The following GSK3B variants were observed in gnomAD, a reference collection of about 807,000 sequenced individuals.
GSK3B encodes glycogen synthase kinase 3 beta, also known as glycogen synthase kinase-3 beta.
Under a neutral mutation model 56.4 loss-of-function variants are expected in GSK3B, and 15 were observed. The observed-to-expected ratio is 0.27, with a 90% CI of 0.18 to 0.41. GSK3B has a LOEUF of 0.41. GSK3B is among the 10% of genes least tolerant of loss of function. The pLI, the probability that GSK3B is intolerant of heterozygous loss-of-function variation, is 1.00. For missense variants in GSK3B, 300 were observed against 513.4 expected (o/e 0.58, Z 4.02); for synonymous variants, 181 against 188.9 (o/e 0.96, Z 0.34).
intron 1 of GSK3B, chr3:120,028,932 C>T (rs1399832858): frequency 1.8e-6 from 1 of 549,374 alleles, no homozygotes; most frequent in Non-Finnish European, 3.4e-6. Context: ...AAAGATCAGA[C>T]ACAGGCACAA....
In GSK3B at chr3:120,024,545, T is replaced by G. The variant is rs373830096; in HGVS notation, c.89-22306A>C. 5.9e-5 allele frequency among the ~76,000 whole-genome samples: 9 copies of G among 152,332 alleles called. No homozygotes were observed. In the East Asian group the frequency reaches 1.3e-3, roughly 23 times the overall value. ...CACATATCTCTCTTCTCTGAAAACC[T>G]CCTTCCCCTCCCACTGGGTAAAGTG... On this transcript the variant is annotated intron_variant, in intron 1 of 10. Transcript: ENST00000264235.
chr3:119,822,120 G>GAAAA lies in GSK3B; in HGVS notation c.*4664_*4667dup, dbSNP rs59156758. The GAAAA allele has an allele frequency of 1.6e-5, 3 of 189,588 alleles. No homozygotes were observed. Among genetic ancestry groups the GAAAA allele is most frequent in the Admixed American group, 6.2e-5 (1 of 16,104 alleles). The allele number at this position is 189,588 out of a possible 1,614,324, so 11.7% of individuals were successfully genotyped here. A position where few individuals can be genotyped will look rare whatever the true frequency, so the allele number is the denominator to read the frequency against. ...TCACAAAAAAGTTTATATTTAAAAT[G>GAAAA]AAAAAAAAATCAGTCACAGAGGCAT... On this transcript the variant is annotated 3_prime_UTR_variant, in exon 11 of 11. Coordinates refer to ENST00000264235, the MANE Select transcript of GSK3B (RefSeq NM_001146156.2).
At chr3:120,092,695 T>G (rs990912532) in intron 1 of GSK3B, among the ~76,000 whole-genome samples, 1 of 152,216 alleles carries the variant, frequency 6.6e-6, no homozygotes, top group Non-Finnish European at 1.5e-5. Flanking sequence ...TGAACACAAA[T>G]GCATACAGAG....
chr3:120,063,771 G>A (rs1408124487), intron 1 of GSK3B, among the ~76,000 whole-genome samples: 1 of 149,988 alleles, frequency 6.7e-6, no homozygotes, highest in Non-Finnish European at 1.5e-5. Flanking sequence ...GGAGGCCAAG[G>A]TGGGCAGATC....
intron 8 of GSK3B, among the ~76,000 whole-genome samples, chr3:119,870,130 C>T (rs1202603134): frequency 6.6e-6 from 1 of 152,198 alleles, no homozygotes; most frequent in Non-Finnish European, 1.5e-5. Context: ...TTCAACATCC[C>T]ACCTCATGTA....
At chr3:119,933,386 C>G (rs547246963) in intron 3 of GSK3B, among the ~76,000 whole-genome samples, 1 of 152,086 alleles carries the variant, frequency 6.6e-6, no homozygotes, top group Non-Finnish European at 1.5e-5. Flanking sequence ...ATAGAGCCCC[C>G]CCAAATAGAC....
chr3:119,956,748 G>C (rs1483092361), intron 2 of GSK3B, among the ~76,000 whole-genome samples: 4 of 152,140 alleles, frequency 2.6e-5, no homozygotes. Flanking sequence ...AAAGATTCTG[G>C]AGAATATCAT....
At chr3:119,897,020 ATTAGT>A (rs2056575301) in intron 7 of GSK3B, among the ~76,000 whole-genome samples, 1 of 152,208 alleles carries the variant, frequency 6.6e-6, no homozygotes, top group Admixed American at 6.6e-5. Context: ...CTATAAATAA[ATTAGT>A]TTTGAAGTGA....
intron 1 of GSK3B, among the ~76,000 whole-genome samples, chr3:120,021,053 G>A (rs1367411554): frequency 6.6e-6 from 1 of 152,152 alleles, no homozygotes; most frequent in Non-Finnish European, 1.5e-5. Flanking sequence ...AGGCTGCCAA[G>A]TTTGAAGCTA....
intron 2 of GSK3B, among the ~76,000 whole-genome samples, chr3:119,951,799 T>C (rs1353104988): frequency 6.6e-6 from 1 of 152,072 alleles, no homozygotes; most frequent in Non-Finnish European, 1.5e-5. Context: ...AGGGAAACCA[T>C]ATTTTAAAAA....
chr3:119,886,532 T>C (rs1398200445), intron 7 of GSK3B, among the ~76,000 whole-genome samples: 3 of 151,928 alleles, frequency 2.0e-5, no homozygotes, highest in Non-Finnish European at 2.9e-5. Flanking sequence ...TGGGTATATA[T>C]CCAAAAGAAA....
At chr3:119,881,147 A>G (rs1268603675) in intron 7 of GSK3B, among the ~76,000 whole-genome samples, 1 of 152,260 alleles carries the variant, frequency 6.6e-6, no homozygotes, top group Admixed American at 6.5e-5. Context: ...TGACTAAACC[A>G]GAGCTACACA....
At chr3:119,909,477 C>CT (rs1468716185) in intron 6 of GSK3B, among the ~76,000 whole-genome samples, 1 of 152,202 alleles carries the variant, frequency 6.6e-6, no homozygotes, top group Non-Finnish European at 1.5e-5. Context: ...AAAGTTGCTC[C>CT]TTGTTTGTTA....
intron 1 of GSK3B, among the ~76,000 whole-genome samples, chr3:120,056,769 C>G (rs1227603821): frequency 2.6e-5 from 4 of 152,184 alleles, no homozygotes; most frequent in African/African-American, 9.7e-5. Context: ...GTGACAGATA[C>G]CCCCAAAATG....
At chr3:120,015,979 GTCCCAC>G (rs2057823335) in intron 1 of GSK3B, among the ~76,000 whole-genome samples, 1 of 152,180 alleles carries the variant, frequency 6.6e-6, no homozygotes, top group Non-Finnish European at 1.5e-5. Context: ...ATGACTCAAT[GTCCCAC>G]ATGTGTATTT....
At chr3:119,994,914 T>G (rs2057600165) in intron 2 of GSK3B, among the ~76,000 whole-genome samples, 1 of 152,182 alleles carries the variant, frequency 6.6e-6, no homozygotes, top group Admixed American at 6.5e-5. Flanking sequence ...GTTAATTTCT[T>G]GATTTTTTTA....
intron 2 of GSK3B, among the ~76,000 whole-genome samples, chr3:119,977,649 T>C (rs2057420440): frequency 6.6e-6 from 1 of 152,190 alleles, no homozygotes; most frequent in African/African-American, 2.4e-5. Flanking sequence ...ACTATTTCTT[T>C]CAAGTTTCTA....
At chr3:119,960,760 C>G (rs1676014202) in intron 2 of GSK3B, among the ~76,000 whole-genome samples, 1 of 152,170 alleles carries the variant, frequency 6.6e-6, no homozygotes, top group South Asian at 2.1e-4. Context: ...TCAATCTTCT[C>G]CAGAGTAACA....
At chr3:120,007,579 C>T (rs1393440098) in intron 1 of GSK3B, among the ~76,000 whole-genome samples, 9 of 152,160 alleles carry the variant, frequency 5.9e-5, no homozygotes, top group Admixed American at 3.9e-4. Flanking sequence ...ACGATCAAGT[C>T]GGCTTCATCC....
Sources: allele counts gnomAD v4.1 joint callset (sites outside exome capture counted in the v4.1 genomes callset), GRCh38; gene constraint gnomAD v4.1.1; transcripts MANE v1.5; gene names NCBI Gene and HGNC (gene_info 2026-07-23, HGNC 2026-07-21).